STARD9: variants seen among roughly 807,000 people sequenced by gnomAD.
STARD9 encodes the protein StAR related lipid transfer domain containing 9.
A neutral mutation model predicts 399.8 loss-of-function variants in STARD9; 346 were observed. The observed-to-expected ratio is 0.87, with a 90% CI of 0.79 to 0.95. STARD9 has a LOEUF of 0.95. Ranked by LOEUF, STARD9 falls within the 40% of genes least tolerant of loss-of-function variation. The probability of loss-of-function intolerance (pLI) is 0.00; values close to 1 mark genes in which losing one functional copy is unlikely to be tolerated. For missense variants in STARD9, 5,832 were observed against 5,667.5 expected (o/e 1.03, Z -0.93); for synonymous variants, 2,203 against 2,143.5 (o/e 1.03, Z -0.77).
chr15:42,678,765 A>AG (rs1470615306), intron 20 of STARD9, among the ~76,000 whole-genome samples: 1 of 152,230 alleles, frequency 6.6e-6, no homozygotes. Flanking sequence ...TACCTGATAA[A>AG]GACAGAGGTC....
Position 42,652,508 on chromosome 15 carries a change from T to C in STARD9, c.630-12T>C, listed in dbSNP as rs753095433. On this transcript the variant is annotated splice_polypyrimidine_tract_variant and intron_variant, in intron 8 of 32. Transcript: ENST00000290607. The stretch of plus-strand genomic sequence containing the variant: ...CAATCCTCGTCCTAACAGTTTTTCC[T>C]TGTATACACAGAATCACAGCAGCCA... 5 of 1,536,946 alleles carry C rather than the reference T, an allele frequency of 3.3e-6. No individual in the cohort carries two copies. The highest frequency in any genetic ancestry group is 1.4e-5 in the African/African-American group (1 of 73,044).
intron 16 of STARD9, 106 bp downstream of exon 16, chr15:42,669,443 A>G (rs2060165133): frequency 9.7e-7 from 1 of 1,035,388 alleles, no homozygotes. Context: ...AAATCAAGAC[A>G]GATGCTACAG....
At chr15:42,681,320 G>T (rs1439786383) in intron 20 of STARD9, 102 bp from the exon 21 acceptor site, 1 of 1,231,242 alleles carries the variant, frequency 8.1e-7, no homozygotes, top group Non-Finnish European at 1.1e-6. Flanking sequence ...TCTCTACCCT[G>T]TTGATTGCAG....
At chr15:42,659,252 A>G (rs973520467) in intron 9 of STARD9, among the ~76,000 whole-genome samples, 7 of 152,242 alleles carry the variant, frequency 4.6e-5, no homozygotes, top group Admixed American at 3.3e-4. Context: ...AAAACAACTC[A>G]AAACAATGGC....
chr15:42,631,591 AAG>A (rs1449631617), intron 3 of STARD9, among the ~76,000 whole-genome samples: 1 of 152,076 alleles, frequency 6.6e-6, no homozygotes, highest in Non-Finnish European at 1.5e-5. Context: ...AAAAAAAAAA[AAG>A]AAATTTTAAA....
intron 3 of STARD9, among the ~76,000 whole-genome samples, chr15:42,616,799 G>A (rs577962095): frequency 7.3e-5 from 11 of 151,172 alleles, no homozygotes; most frequent in Non-Finnish European, 1.5e-4. Flanking sequence ...GCTGAGGCAG[G>A]AGAATGGCAC....
intron 26 of STARD9, among the ~76,000 whole-genome samples, chr15:42,712,104 A>ATAATATATT (rs36132946): frequency 0.17 from 47 of 280 alleles, 6 homozygotes; most frequent in African/African-American, 0.2. Flanking sequence ...TATAATATAT[A>ATAATATATT]ATATATAATA....
At chr15:42,642,450 A>G (rs910876412) in intron 7 of STARD9, among the ~76,000 whole-genome samples, 14 of 152,262 alleles carry the variant, frequency 9.2e-5, no homozygotes, top group Non-Finnish European at 7.3e-5. Context: ...TGAGACAAAG[A>G]CAATATTGTA....
chr15:42,713,760 T>G (rs2061296550), intron 26 of STARD9, among the ~76,000 whole-genome samples: 1 of 152,186 alleles, frequency 6.6e-6, no homozygotes, highest in Non-Finnish European at 1.5e-5. Flanking sequence ...ATATATGATC[T>G]TTTATGTGTT....
chr15:42,591,981 G>T (rs1344033076), intron 3 of STARD9, among the ~76,000 whole-genome samples: 1 of 152,186 alleles, frequency 6.6e-6, no homozygotes, highest in Non-Finnish European at 1.5e-5. Context: ...GGTGGAGCAA[G>T]AATTCAAATT....
intron 9 of STARD9, among the ~76,000 whole-genome samples, chr15:42,655,449 C>T (rs985045196): frequency 1.1e-4 from 16 of 152,230 alleles, no homozygotes; most frequent in African/African-American, 3.4e-4. Flanking sequence ...TGCAGTCAAC[C>T]GATCTTTGAC....
intron 3 of STARD9, among the ~76,000 whole-genome samples, chr15:42,609,985 C>T (rs1409839777): frequency 2.0e-5 from 3 of 151,862 alleles, no homozygotes; most frequent in South Asian, 2.1e-4. Flanking sequence ...CCCAGCTACT[C>T]GCGAGGCTGA....
At chr15:42,659,734 C>T (rs80262598) in intron 9 of STARD9, among the ~76,000 whole-genome samples, 1 of 152,098 alleles carries the variant, frequency 6.6e-6, no homozygotes, top group African/African-American at 2.4e-5. Context: ...CCATTTTGGC[C>T]AGGAAGGTCT....
intron 17 of STARD9, 104 bp from the exon 18 acceptor site, chr15:42,674,710 CTCTTTTATTATGG>C (rs1267793136): frequency 7.1e-7 from 1 of 1,404,076 alleles, no homozygotes; most frequent in Non-Finnish European, 9.4e-7. Flanking sequence ...TCAGCTCTTC[CTCTTTTATTATGG>C]TATGAGGTCT....
chr15:42,718,519 C>T lies in STARD9; in HGVS notation c.13842+5C>T, dbSNP rs764792640. The T allele has an allele frequency of 1.2e-5, 19 of 1,536,882 alleles. No individual in the cohort carries two copies. Among genetic ancestry groups the T allele is most frequent in the Non-Finnish European group, 1.7e-5 (19 of 1,146,594 alleles). On this transcript the variant is annotated splice_donor_5th_base_variant and intron_variant, in intron 31 of 32. Coordinates refer to ENST00000290607, the MANE Select transcript of STARD9 (RefSeq NM_020759.3). ...GTCTGCGTGGAAGCCAAAGAGGTGC[C>T]TGCCTTGGTGGTAAAGATGTTGTGG... is the stretch of plus-strand genomic sequence containing the variant.
chr15:42,689,673 T>C lies in STARD9; in HGVS notation c.8095T>C (p.Ser2699Pro), dbSNP rs1170253505. 2.6e-6 allele frequency: 4 copies of C among 1,537,658 alleles called. No homozygotes were observed. The highest frequency in any genetic ancestry group is 2.0e-5 in the Admixed American group (1 of 50,980). Residue 2699 changes from serine (S) to proline (P), a missense_variant, in exon 23 of 33, where the codon TCT becomes CCT. By Grantham distance (74) the Ser-to-Pro change is moderately conservative (BLOSUM62 -1). Coordinates refer to ENST00000290607, the MANE Select transcript of STARD9 (RefSeq NM_020759.3). ...SEPFICHSSSSEIIEKKKDAT... is the reference protein window; with the variant it reads ...SEPFICHSSSPEIIEKKKDAT... ...ACCATTTATATGTCACTCTAGTTCT[T>C]CTGAAATCATAGAGAAAAAGAAAGA...
At chr15:42,635,625 G>A (rs571864168) in intron 4 of STARD9, among the ~76,000 whole-genome samples, 3 of 152,100 alleles carry the variant, frequency 2.0e-5, no homozygotes, top group Admixed American at 6.6e-5. Flanking sequence ...CACCATGCCC[G>A]GCCTTAACCC....
At position 42,684,884 on chromosome 15, in the gene STARD9, C is replaced by T. The variant is rs2060512959; in HGVS notation, c.3306C>T (p.Asp1102=). The part of the protein sequence containing the change: ...HSREKDNDLS[D]TDSNYSLDSL... The stretch of plus-strand genomic sequence containing the variant: ...GAGAAAAAGACAATGATTTATCTGA[C>T]ACAGATAGCAACTACTCATTGGATT... Residue 1102 remains aspartate, a synonymous_variant, in exon 23 of 33, where the codon GAC becomes GAT. Transcript: ENST00000290607. The T allele has an allele frequency of 2.0e-6, 3 of 1,536,924 alleles. No individual in the cohort carries two copies. The highest frequency in any genetic ancestry group is 2.0e-5 in the Admixed American group (1 of 50,974).
At chr15:42,592,842 C>G (rs1297167179) in intron 3 of STARD9, among the ~76,000 whole-genome samples, 2 of 152,168 alleles carry the variant, frequency 1.3e-5, no homozygotes, top group East Asian at 3.8e-4. Flanking sequence ...TCAAAATTGG[C>G]CTGTATTTTT....
Sources: gnomAD v4.1 joint callset for allele counts (sites outside exome capture counted in the v4.1 genomes callset) on GRCh38, gnomAD v4.1.1 for gene constraint, MANE v1.5 for transcripts, NCBI Gene and HGNC (gene_info 2026-07-23, HGNC 2026-07-21) for gene names.